EIF2AK3: variants seen among roughly 807,000 people sequenced by gnomAD.
The protein encoded by EIF2AK3 is eukaryotic translation initiation factor 2 alpha kinase 3, also known as eukaryotic translation initiation factor 2-alpha kinase 3.
Under a neutral mutation model 113.5 loss-of-function variants are expected in EIF2AK3, and 50 were observed. The observed-to-expected ratio is 0.44, with a 90% CI of 0.35 to 0.56. The LOEUF (loss-of-function observed/expected upper bound fraction) is 0.56. Among genes scored for constraint, EIF2AK3 ranks in the 20% least tolerant of loss-of-function variants. The probability of loss-of-function intolerance (pLI) is 0.00; values close to 1 mark genes in which losing one functional copy is unlikely to be tolerated. For synonymous variants in EIF2AK3, 448 were observed against 495.4 expected (o/e 0.90, Z 1.27); for missense variants, 1,185 against 1,378.0 (o/e 0.86, Z 2.22).
chr2:88,573,023 G>C (rs539223354), intron 13 of EIF2AK3, among the ~76,000 whole-genome samples: 14 of 151,976 alleles, frequency 9.2e-5, no homozygotes, highest in African/African-American at 3.4e-4. Context: ...GGGGGAGAGG[G>C]CCTAGAAGGT....
rs1465138210 is a variant in EIF2AK3 at position 88,627,226 on chromosome 2, GCA to G, written c.47_48del (p.Leu16ProfsTer60). 2 of 1,476,398 alleles carry G rather than the reference GCA, an allele frequency of 1.4e-6. No individual in the cohort carries two copies. Among genetic ancestry groups the G allele is most frequent in the Admixed American group, 2.3e-5 (1 of 43,212 alleles). The allele number at this position is 1,476,398 out of a possible 1,614,324, so 91.5% of individuals were successfully genotyped here. On this transcript the variant is annotated frameshift_variant, in exon 1 of 17. Transcript: ENST00000303236. LOFTEE classifies it high-confidence loss of function. ...GCCGCGAGCCCCAGCAGCAGCAGCA[GCA>G]GCAGCAGCGCCCGTACCAGCAGCCC... The part of the protein sequence containing the change: ...SPGLLVRALL[L>X]LLLLLGLAAR...
chr2:88,558,634 A>G (rs1425787748), intron 16 of EIF2AK3, among the ~76,000 whole-genome samples: 1 of 152,224 alleles, frequency 6.6e-6, no homozygotes, highest in Non-Finnish European at 1.5e-5. Flanking sequence ...ATGAACACAT[A>G]CTAACTCACT....
chr2:88,611,051 A>G (rs1022638938), intron 2 of EIF2AK3, among the ~76,000 whole-genome samples: 1 of 152,278 alleles, frequency 6.6e-6, no homozygotes, highest in Admixed American at 6.5e-5. Flanking sequence ...AGAGCCCTCA[A>G]TAATTTTTTA....
chr2:88,572,704 A>G (rs1329551343), intron 13 of EIF2AK3, among the ~76,000 whole-genome samples: 1 of 152,246 alleles, frequency 6.6e-6, no homozygotes, highest in Non-Finnish European at 1.5e-5. Context: ...TGGTTAAGTC[A>G]GTATAAACAC....
intron 2 of EIF2AK3, among the ~76,000 whole-genome samples, chr2:88,601,838 T>TC (rs960666307): frequency 1.2e-4 from 18 of 146,838 alleles, no homozygotes; most frequent in African/African-American, 4.0e-4. Context: ...ATTTTTCTTT[T>TC]TTTTTTTTTT....
rs72921098 is a variant in EIF2AK3, at chr2:88,604,653, T to G, written c.439-8990A>C. 4.5e-3 allele frequency among the ~76,000 whole-genome samples: 693 copies of G among 152,326 alleles called. 7 individuals carry two copies. Among genetic ancestry groups the G allele is most frequent in the African/African-American group, 0.016 (658 of 41,576 alleles). ...ACATCTGTCCTGGGCAGTGCACAAT[T>G]CTGCACGCCTCCCTCCTGCAATCCC... On this transcript the variant is annotated intron_variant, in intron 2 of 16. Coordinates refer to ENST00000303236, the MANE Select transcript of EIF2AK3 (RefSeq NM_004836.7).
chr2:88,590,391 G>T, intron 6 of EIF2AK3, 52 bp downstream of exon 6: 1 of 1,594,144 alleles, frequency 6.3e-7, no homozygotes, highest in Admixed American at 1.7e-5. Flanking sequence ...AATGTAAGAA[G>T]AAAATCTAGA....
In EIF2AK3 at chr2:88,619,024, G is replaced by A. The variant is rs1048694967; in HGVS notation, c.309-5171C>T. ...TCTTTTTTTTTTTTTTTGGGGGGAC[G>A]GAGTCTTGCTCTGTCGCCCAATGGT... On this transcript the variant is annotated intron_variant, in intron 1 of 16. Coordinates refer to ENST00000303236, the MANE Select transcript of EIF2AK3 (RefSeq NM_004836.7). Among the ~76,000 whole-genome samples the A allele has an allele frequency of 2.4e-4, 36 of 149,992 alleles. No homozygotes were observed. In the East Asian group the frequency reaches 5.5e-3, roughly 23 times the overall value.
At chr2:88,586,376 A>C (rs1018736627) in intron 8 of EIF2AK3, among the ~76,000 whole-genome samples, 1 of 152,052 alleles carries the variant, frequency 6.6e-6, no homozygotes, top group Non-Finnish European at 1.5e-5. Flanking sequence ...TTAATACTCA[A>C]TCTTCCTTCA....
chr2:88,560,496 G>A (rs145861660), intron 15 of EIF2AK3, among the ~76,000 whole-genome samples: 65 of 152,206 alleles, frequency 4.3e-4, no homozygotes, highest in African/African-American at 1.3e-3. Flanking sequence ...TACTGTAGCC[G>A]TGAACTCCTG....
chr2:88,614,823 A>G (rs141709933), intron 1 of EIF2AK3, among the ~76,000 whole-genome samples: 2 of 152,334 alleles, frequency 1.3e-5, no homozygotes, highest in East Asian at 3.9e-4. Flanking sequence ...GAACTGGTTA[A>G]AGTCAATCTT....
chr2:88,590,097 T>C (rs1315549209), intron 6 of EIF2AK3, among the ~76,000 whole-genome samples: 4 of 152,052 alleles, frequency 2.6e-5, no homozygotes, highest in Non-Finnish European at 4.4e-5. Flanking sequence ...TAGCTGGGCA[T>C]GGTGGCAGGT....
At chr2:88,624,696 G>T (rs886440143) in intron 1 of EIF2AK3, 3 of 152,198 alleles carry the variant, frequency 2.0e-5, no homozygotes, top group African/African-American at 7.3e-5. Context: ...CCTCCCTCTG[G>T]ATGTCCTGCC....
intron 2 of EIF2AK3, among the ~76,000 whole-genome samples, chr2:88,613,492 T>C (rs1333041482): frequency 6.6e-6 from 1 of 152,206 alleles, no homozygotes; most frequent in African/African-American, 2.4e-5. Context: ...TGCTCACTTA[T>C]AGGATTAACT....
At chr2:88,593,442 G>A (rs1011138117) in intron 3 of EIF2AK3, 37 bp from the exon 4 acceptor site, 20 of 1,610,486 alleles carry the variant, frequency 1.2e-5, no homozygotes, top group Middle Eastern at 1.6e-4. Flanking sequence ...TTAGTAAAAG[G>A]AGACAACTCA....
At chr2:88,621,883 A>C (rs1573427795) in intron 1 of EIF2AK3, among the ~76,000 whole-genome samples, 1 of 146,114 alleles carries the variant, frequency 6.8e-6, no homozygotes, top group Admixed American at 7.1e-5. Context: ...TACCTTTTCT[A>C]CTTTATTCTA....
rs1356733410 is a variant in EIF2AK3 at position 88,557,473 on chromosome 2, G to A, written c.*263C>T. The A allele has an allele frequency of 7.8e-6, 4 of 511,720 alleles. No homozygotes were observed. Among genetic ancestry groups the A allele is most frequent in the Non-Finnish European group, 1.4e-5 (4 of 283,746 alleles). 31.7% of individuals were successfully genotyped at this position (511,720 alleles called of 1,614,324 possible). On this transcript the variant is annotated 3_prime_UTR_variant, in exon 17 of 17. Coordinates refer to ENST00000303236, the MANE Select transcript of EIF2AK3 (RefSeq NM_004836.7). ...TGCTACCTCCTTAGGCAAATGGTGA[G>A]GGCTATAAAGCTTGGCCAGCAGCCA...
At chr2:88,603,999 T>C (rs1256583510) in intron 2 of EIF2AK3, among the ~76,000 whole-genome samples, 1 of 152,218 alleles carries the variant, frequency 6.6e-6, no homozygotes, top group African/African-American at 2.4e-5. Context: ...ATCTTTTGAA[T>C]CTGTCACTTT....
intron 12 of EIF2AK3, 113 bp downstream of exon 12, chr2:88,576,441 G>A: frequency 2.7e-6 from 4 of 1,461,916 alleles, no homozygotes; most frequent in Non-Finnish European, 3.7e-6. Context: ...TGAAACAACA[G>A]AACTCTGCTG....
Sources: gnomAD v4.1 joint callset for allele counts (sites outside exome capture counted in the v4.1 genomes callset) on GRCh38, gnomAD v4.1.1 for gene constraint, MANE v1.5 for transcripts, NCBI Gene and HGNC (gene_info 2026-07-23, HGNC 2026-07-21) for gene names.